DNAJC1: variants seen among roughly 807,000 people sequenced by gnomAD.
The protein encoded by DNAJC1 is DnaJ heat shock protein family (Hsp40) member C1.
DNAJC1 carries 58 observed loss-of-function variants against 76.6 expected under a neutral mutation model. The observed-to-expected ratio is 0.76, with a 90% confidence interval of 0.61 to 0.94. The LOEUF is 0.94. Ranked by LOEUF, DNAJC1 falls within the 40% of genes least tolerant of loss-of-function variation. The pLI is 0.00. For synonymous variants in DNAJC1, 258 were observed against 267.9 expected (o/e 0.96, Z 0.36); for missense variants, 689 against 677.3 (o/e 1.02, Z -0.19).
At chr10:21,919,441 T>C (rs1487365731) in intron 5 of DNAJC1, among the ~76,000 whole-genome samples, 2 of 152,020 alleles carry the variant, frequency 1.3e-5, no homozygotes, top group African/African-American at 2.4e-5. Flanking sequence ...AAACCCTTTA[T>C]TCCTTTCTAT....
rs1270006013 is a variant in DNAJC1, at chr10:21,929,061, A to G, written c.303T>C (p.Asn101=). 6.2e-7 allele frequency: 1 copy of G among 1,610,258 alleles called. No individual in the cohort carries two copies. Among genetic ancestry groups the G allele is most frequent in the Non-Finnish European group, 8.5e-7 (1 of 1,178,526 alleles). ...TTACTTGTCTAAACTGAGTTTCTGC[A>G]TTTTCATCTTTATTCTTGTCTGGAT... ...TLHPDKNKDE[N]AETQFRQLVA... is the part of the protein sequence containing the mutation. Residue 101 remains asparagine, a synonymous_variant, in exon 2 of 12, where the codon AAT becomes AAC. Transcript: ENST00000376980.
At chr10:21,760,090 A>G (rs1379609401) in intron 10 of DNAJC1, among the ~76,000 whole-genome samples, 2 of 152,212 alleles carry the variant, frequency 1.3e-5, no homozygotes, top group Non-Finnish European at 2.9e-5. Context: ...AGCTACAGTA[A>G]GAATTTTTAA....
chr10:21,902,601 G>C (rs190809616), intron 7 of DNAJC1, among the ~76,000 whole-genome samples: 73 of 152,220 alleles, frequency 4.8e-4, no homozygotes, highest in African/African-American at 1.6e-3. Context: ...CACTGTGCCC[G>C]GCCAAGAGGA....
chr10:21,971,869 T>C (rs1222152358), intron 1 of DNAJC1, among the ~76,000 whole-genome samples: 3 of 151,912 alleles, frequency 2.0e-5, no homozygotes, highest in Non-Finnish European at 4.4e-5. Flanking sequence ...AGAGAAAACA[T>C]GATTGAATGT....
At chr10:21,956,598 T>C (rs1837687987) in intron 1 of DNAJC1, among the ~76,000 whole-genome samples, 1 of 149,734 alleles carries the variant, frequency 6.7e-6, no homozygotes, top group African/African-American at 2.4e-5. Context: ...CATATGTATA[T>C]AAATTATATA....
At chr10:21,882,933 C>A (rs1257379365) in intron 7 of DNAJC1, among the ~76,000 whole-genome samples, 3 of 151,944 alleles carry the variant, frequency 2.0e-5, no homozygotes, top group Non-Finnish European at 4.4e-5. Context: ...GAATCGATGG[C>A]CATCCATTGG....
At chr10:21,804,622 T>C (rs1834860731) in intron 9 of DNAJC1, among the ~76,000 whole-genome samples, 1 of 147,478 alleles carries the variant, frequency 6.8e-6, no homozygotes, top group Non-Finnish European at 1.5e-5. Context: ...GGTTCTTTTC[T>C]AGTAACTCAA....
intron 9 of DNAJC1, among the ~76,000 whole-genome samples, chr10:21,771,647 G>T (rs907525701): frequency 6.6e-6 from 1 of 151,996 alleles, no homozygotes; most frequent in African/African-American, 2.4e-5. Flanking sequence ...ACAGGTGCGT[G>T]CCACCACACC....
In DNAJC1 at chr10:21,835,551, C is replaced by A. The variant is rs920813586; in HGVS notation, c.979-29452G>T. Reference sequence around the variant, plus strand: ...TCCGAGCTAAAGGAGGAAATTCGAACCAACGGCAAAGAAGTTAAAAGCTTT... The same window carrying A: ...TCCGAGCTAAAGGAGGAAATTCGAAACAACGGCAAAGAAGTTAAAAGCTTT... On this transcript the variant is annotated intron_variant, in intron 8 of 11. Transcript: ENST00000376980. 2.0e-5 allele frequency among the ~76,000 whole-genome samples: 3 copies of A among 152,128 alleles called. No individual in the cohort carries two copies. The South Asian group carries it at 6.2e-4, about 32-fold the overall frequency.
intron 9 of DNAJC1, among the ~76,000 whole-genome samples, chr10:21,788,517 G>A (rs947359774): frequency 2.6e-5 from 4 of 152,160 alleles, no homozygotes; most frequent in African/African-American, 4.8e-5. Context: ...AGCACCCTAT[G>A]GTCTGGGCTG....
chr10:21,884,955 A>G (rs552391987), intron 7 of DNAJC1, among the ~76,000 whole-genome samples: 2 of 152,220 alleles, frequency 1.3e-5, no homozygotes, highest in South Asian at 2.1e-4. Flanking sequence ...TCAACCACAC[A>G]AACAAGCCAA....
At chr10:21,927,340 C>T (rs1837145095) in intron 3 of DNAJC1, among the ~76,000 whole-genome samples, 1 of 152,172 alleles carries the variant, frequency 6.6e-6, no homozygotes, top group East Asian at 1.9e-4. Flanking sequence ...AGGATACAGA[C>T]TAATTCCAGA....
At chr10:21,870,859 A>T (rs188207025) in intron 8 of DNAJC1, among the ~76,000 whole-genome samples, 3 of 152,204 alleles carry the variant, frequency 2.0e-5, no homozygotes, top group Admixed American at 2.0e-4. Context: ...TGATCAGAAC[A>T]GTAACTTTAC....
chr10:21,916,314 C>T lies in DNAJC1; in HGVS notation c.729+2465G>A, dbSNP rs182452353. Reference sequence around the variant, plus strand: ...ACCATCCTGGCTAACACGGTGAAACCCCGTCTCTACTAAAAATACAAAAAA... The same window carrying T: ...ACCATCCTGGCTAACACGGTGAAACTCCGTCTCTACTAAAAATACAAAAAA... On this transcript the variant is annotated intron_variant, in intron 6 of 11. Coordinates refer to ENST00000376980, the MANE Select transcript of DNAJC1 (RefSeq NM_022365.4). Among the ~76,000 whole-genome samples, 804 of 152,146 alleles carry T rather than the reference C, an allele frequency of 5.3e-3. 5 individuals carry two copies. The highest frequency in any genetic ancestry group is 8.7e-3 in the Non-Finnish European group (589 of 67,982).
chr10:21,898,568 T>C (rs953959910), intron 7 of DNAJC1, among the ~76,000 whole-genome samples: 21 of 151,100 alleles, frequency 1.4e-4, no homozygotes, highest in South Asian at 4.2e-4. Flanking sequence ...TTTTTTTTTT[T>C]CCAGACAGAG....
chr10:21,816,416 T>C (rs1333966845), intron 8 of DNAJC1, among the ~76,000 whole-genome samples: 1 of 150,914 alleles, frequency 6.6e-6, no homozygotes, highest in Non-Finnish European at 1.5e-5. Flanking sequence ...CTGTCAAAAA[T>C]CAATTGACCA....
At chr10:21,836,614 A>G (rs1232244859) in intron 8 of DNAJC1, among the ~76,000 whole-genome samples, 1 of 152,194 alleles carries the variant, frequency 6.6e-6, no homozygotes, top group Non-Finnish European at 1.5e-5. Flanking sequence ...ATAGGCTCAA[A>G]ATAATGGGAT....
chr10:21,916,508 T>TA (rs1481018771), intron 6 of DNAJC1, among the ~76,000 whole-genome samples: 3 of 151,880 alleles, frequency 2.0e-5, no homozygotes, highest in Non-Finnish European at 4.4e-5. Context: ...AAAATAAAAA[T>TA]AAAAAAACAA....
intron 1 of DNAJC1, among the ~76,000 whole-genome samples, chr10:21,939,229 T>G (rs1461438967): frequency 3.3e-5 from 5 of 152,078 alleles, no homozygotes; most frequent in Non-Finnish European, 7.4e-5. Flanking sequence ...TCTACTCCCT[T>G]GAAAAAGACT....
Sources: allele counts gnomAD v4.1 joint callset (sites outside exome capture counted in the v4.1 genomes callset), GRCh38; gene constraint gnomAD v4.1.1; transcripts MANE v1.5; gene names NCBI Gene and HGNC (gene_info 2026-07-23, HGNC 2026-07-21).